ERBB4: variants seen among roughly 807,000 people sequenced by gnomAD.
The protein encoded by ERBB4 is receptor tyrosine-protein kinase erbB-4.
A neutral mutation model predicts 158.0 loss-of-function variants in ERBB4; 42 were observed. The ratio of observed to expected loss-of-function variants is 0.27; its 90% CI spans 0.21 to 0.34. The LOEUF is 0.34. Ranked by LOEUF, ERBB4 falls within the 10% of genes least tolerant of loss-of-function variation. The pLI is 1.00. For missense variants in ERBB4, 1,333 were observed against 1,624.1 expected (o/e 0.82, Z 3.08); for synonymous variants, 583 against 558.7 (o/e 1.04, Z -0.61).
chr2:212,252,460 C>T (rs1461585103), intron 1 of ERBB4, among the ~76,000 whole-genome samples: 3 of 151,912 alleles, frequency 2.0e-5, no homozygotes, highest in Non-Finnish European at 4.4e-5. Context: ...GTAAGCATGC[C>T]ATATGAAGGT....
intron 2 of ERBB4, among the ~76,000 whole-genome samples, chr2:211,978,832 G>C (rs1254880942): frequency 6.6e-6 from 1 of 152,064 alleles, no homozygotes; most frequent in Non-Finnish European, 1.5e-5. Context: ...CCATCATCTT[G>C]TACCAGCCCA....
Position 211,698,537 on chromosome 2 carries a change from AT to A in ERBB4, c.1489+3429del, listed in dbSNP as rs573658142. The stretch of plus-strand genomic sequence containing the variant: ...ATTATATATAATGTAGTTTAAAAAT[AT>A]TTTTATATATTTTTGATTGGTTTTA... On this transcript the variant is annotated intron_variant, in intron 12 of 27. Coordinates refer to ENST00000342788, the MANE Select transcript of ERBB4 (RefSeq NM_005235.3). 2.9e-4 allele frequency among the ~76,000 whole-genome samples: 44 copies of A among 151,892 alleles called. No homozygotes were observed. The South Asian group carries it at 8.9e-3, about 31-fold the overall frequency.
At chr2:211,853,774 G>A (rs1199192094) in intron 3 of ERBB4, among the ~76,000 whole-genome samples, 3 of 151,974 alleles carry the variant, frequency 2.0e-5, no homozygotes, top group African/African-American at 7.2e-5. Context: ...GATTATGATA[G>A]ACAATAATCC....
intron 1 of ERBB4, among the ~76,000 whole-genome samples, chr2:212,349,636 T>C (rs894704957): frequency 6.6e-6 from 1 of 152,162 alleles, no homozygotes; most frequent in Non-Finnish European, 1.5e-5. Flanking sequence ...TCTGCCCTTA[T>C]GCTTTTTATT....
chr2:212,488,083 C>T (rs1690072917), intron 1 of ERBB4, among the ~76,000 whole-genome samples: 1 of 152,104 alleles, frequency 6.6e-6, no homozygotes, highest in Admixed American at 6.6e-5. Flanking sequence ...ACCATTTCAC[C>T]TGAATTGCTC....
rs1017634305 is a variant in ERBB4, at chr2:212,302,847, T to C, written c.83-177944A>G. ...TCCATTTAAATGAATTATCTTTCCT[T>C]AATTCTGAAGCTATCATTTCTATGT... On this transcript the variant is annotated intron_variant, in intron 1 of 27. Transcript: ENST00000342788. Among the ~76,000 whole-genome samples the C allele has an allele frequency of 4.6e-5, 7 of 151,680 alleles. No individual in the cohort carries two copies. The East Asian group carries it at 1.2e-3, about 25-fold the overall frequency.
chr2:211,911,488 G>A (rs77038005), intron 3 of ERBB4, among the ~76,000 whole-genome samples: 14,331 of 151,976 alleles, frequency 0.094, 804 homozygotes, highest in African/African-American at 0.14. Flanking sequence ...CTGGTCTCCA[G>A]CTCCTGGGTT....
intron 3 of ERBB4, among the ~76,000 whole-genome samples, chr2:211,902,225 T>C (rs762089356): frequency 6.6e-6 from 1 of 152,110 alleles, no homozygotes. Flanking sequence ...AAAAAACAAA[T>C]AAAACACCAA....
chr2:211,441,238 A>G (rs2125453504), intron 20 of ERBB4, among the ~76,000 whole-genome samples: 1 of 151,854 alleles, frequency 6.6e-6, no homozygotes, highest in African/African-American at 2.4e-5. Context: ...AGAGAAAGAG[A>G]CTCCTGCTTT....
intron 1 of ERBB4, among the ~76,000 whole-genome samples, chr2:212,437,467 T>C (rs749590411): frequency 1.5e-4 from 23 of 148,946 alleles, no homozygotes; most frequent in Admixed American, 7.4e-4. Context: ...TTTTAACCTA[T>C]GCTACTTATA....
At chr2:211,863,402 C>G (rs1434692056) in intron 3 of ERBB4, among the ~76,000 whole-genome samples, 1 of 152,246 alleles carries the variant, frequency 6.6e-6, no homozygotes, top group African/African-American at 2.4e-5. Flanking sequence ...CCCTTCCATG[C>G]TGTGGAAGCT....
At chr2:211,777,605 TA>T (rs2075914669) in intron 4 of ERBB4, 1 of 152,168 alleles carries the variant, frequency 6.6e-6, no homozygotes, top group Admixed American at 6.5e-5. Context: ...GGTTCCTGCC[TA>T]AATGAATCAT....
chr2:211,584,007 G>A (rs1198141631), intron 19 of ERBB4, among the ~76,000 whole-genome samples: 2 of 146,736 alleles, frequency 1.4e-5, no homozygotes, highest in African/African-American at 5.1e-5. Flanking sequence ...AATGTATTAT[G>A]ACAGGTGAGA....
At chr2:211,538,113 T>C (rs1463367089) in intron 20 of ERBB4, among the ~76,000 whole-genome samples, 1 of 151,908 alleles carries the variant, frequency 6.6e-6, no homozygotes, top group African/African-American at 2.4e-5. Context: ...ATAGGATTTG[T>C]AGTCCTTTAG....
intron 1 of ERBB4, among the ~76,000 whole-genome samples, chr2:212,353,210 C>T (rs1350966913): frequency 4.6e-5 from 7 of 151,442 alleles, no homozygotes; most frequent in Admixed American, 2.6e-4. Flanking sequence ...TTGGGGCCCA[C>T]TAAAAATCAT....
intron 2 of ERBB4, among the ~76,000 whole-genome samples, chr2:212,010,575 G>C (rs916307915): frequency 2.0e-5 from 3 of 152,096 alleles, no homozygotes; most frequent in African/African-American, 7.2e-5. Flanking sequence ...GTCCAACAAA[G>C]ATCCCAAGGC....
intron 3 of ERBB4, among the ~76,000 whole-genome samples, chr2:211,905,319 C>A (rs965525994): frequency 6.6e-6 from 1 of 151,992 alleles, no homozygotes; most frequent in African/African-American, 2.4e-5. Flanking sequence ...CTGCCTCTCT[C>A]TTCCACTATT....
intron 20 of ERBB4, among the ~76,000 whole-genome samples, chr2:211,436,985 G>C (rs1360517727): frequency 6.6e-6 from 1 of 152,104 alleles, no homozygotes; most frequent in Non-Finnish European, 1.5e-5. Context: ...GGTTAATAAT[G>C]CTTTCTATGG....
intron 2 of ERBB4, among the ~76,000 whole-genome samples, chr2:211,954,346 T>C (rs1180592879): frequency 6.6e-6 from 1 of 152,064 alleles, no homozygotes; most frequent in East Asian, 1.9e-4. Context: ...CTAGATTTTT[T>C]CCTACTAAAA....
Sources: allele counts gnomAD v4.1 joint callset (sites outside exome capture counted in the v4.1 genomes callset), GRCh38; gene constraint gnomAD v4.1.1; transcripts MANE v1.5; gene names NCBI Gene and HGNC (gene_info 2026-07-23, HGNC 2026-07-21).